The following PTPN13 variants were observed in gnomAD, a reference collection of about 807,000 sequenced individuals.
The protein encoded by PTPN13 is tyrosine-protein phosphatase non-receptor type 13.
A neutral mutation model predicts 284.0 loss-of-function variants in PTPN13; 191 were observed. The observed-to-expected ratio is 0.67, with a 90% CI of 0.60 to 0.76. PTPN13 has a LOEUF of 0.76. PTPN13 is among the 30% of genes least tolerant of loss of function. The pLI is 0.00. For synonymous variants in PTPN13, 986 were observed against 1,022.3 expected (o/e 0.96, Z 0.68); for missense variants, 2,797 against 2,939.9 (o/e 0.95, Z 1.12).
chr4:86,724,819 T>A (rs538113648), intron 10 of PTPN13, among the ~76,000 whole-genome samples: 2 of 150,668 alleles, frequency 1.3e-5, no homozygotes, highest in East Asian at 3.9e-4. Context: ...CTTTCATTCT[T>A]TTTTTTTTAT....
At chr4:86,802,085 A>T (rs562933823) in intron 42 of PTPN13, among the ~76,000 whole-genome samples, 1 of 151,688 alleles carries the variant, frequency 6.6e-6, no homozygotes, top group African/African-American at 2.4e-5. Flanking sequence ...GATGTGCTGC[A>T]ATTTTTTCAT....
intron 27 of PTPN13, 181 bp downstream of exon 27, chr4:86,766,698 A>G (rs1044689562): frequency 2.7e-5 from 12 of 437,200 alleles, no homozygotes; most frequent in Middle Eastern, 4.8e-4. Flanking sequence ...ATTACAAGAC[A>G]TTTTTTACTG....
At chr4:86,774,704 T>G (rs1740402071) in intron 33 of PTPN13, among the ~76,000 whole-genome samples, 173 bp downstream of exon 33, 1 of 115,284 alleles carries the variant, frequency 8.7e-6, no homozygotes, top group African/African-American at 3.5e-5. Context: ...AATTATTTTA[T>G]ATATATATAT....
intron 1 of PTPN13, among the ~76,000 whole-genome samples, chr4:86,623,814 A>T (rs1721525718): frequency 6.6e-6 from 1 of 152,100 alleles, no homozygotes; most frequent in African/African-American, 2.4e-5. Flanking sequence ...CTTGATTGTT[A>T]TATTTTAAAT....
chr4:86,745,645 G>A (rs148198230), intron 17 of PTPN13, among the ~76,000 whole-genome samples: 1,660 of 152,018 alleles, frequency 0.011, 11 homozygotes, highest in Middle Eastern at 0.017. Context: ...GCGTGTTGCC[G>A]GGCACCTGTA....
intron 2 of PTPN13, among the ~76,000 whole-genome samples, chr4:86,667,023 A>C (rs563473334): frequency 6.6e-6 from 1 of 152,348 alleles, no homozygotes; most frequent in East Asian, 1.9e-4. Context: ...CTGTTAGAAA[A>C]GAAAATGATT....
At chr4:86,790,983 G>A (rs1055509921) in intron 40 of PTPN13, among the ~76,000 whole-genome samples, 35 of 152,110 alleles carry the variant, frequency 2.3e-4, no homozygotes, top group Non-Finnish European at 4.1e-4. Flanking sequence ...TCATCTCAAT[G>A]GGACTCGTTG....
At chr4:86,679,554 C>A (rs1456276842) in intron 3 of PTPN13, among the ~76,000 whole-genome samples, 2 of 152,328 alleles carry the variant, frequency 1.3e-5, no homozygotes, top group Middle Eastern at 3.4e-3. Flanking sequence ...TCAGGCCCTT[C>A]AGGTGATTCT....
At chr4:86,651,486 A>C (rs955028792) in intron 2 of PTPN13, among the ~76,000 whole-genome samples, 1 of 150,868 alleles carries the variant, frequency 6.6e-6, no homozygotes, top group Non-Finnish European at 1.5e-5. Flanking sequence ...TATCAGGGTA[A>C]TACTGGCTTC....
intron 36 of PTPN13, among the ~76,000 whole-genome samples, chr4:86,781,960 GA>G (rs370324871): frequency 1.3e-3 from 143 of 113,842 alleles, no homozygotes; most frequent in Admixed American, 2.1e-3. Flanking sequence ...TGACTCTGTC[GA>G]AAAAAAAAAA....
intron 45 of PTPN13, among the ~76,000 whole-genome samples, chr4:86,808,669 T>G (rs1369477782): frequency 6.6e-6 from 1 of 152,238 alleles, no homozygotes; most frequent in Non-Finnish European, 1.5e-5. Context: ...GCTTACCTAT[T>G]ACTTAGGCTA....
In PTPN13 at chr4:86,618,634, G is replaced by T. The variant is rs2148654590; in HGVS notation, c.-5-16618G>T. Among the ~76,000 whole-genome samples the T allele has an allele frequency of 2.6e-5, 4 of 152,186 alleles. 1 individual carries two copies. The Middle Eastern group carries it at 0.01, about 388-fold the overall frequency. ...GTGGTTTGTAGTTCTCCTTGAAGAG[G>T]TCCTTCACATCCCTTGTAAGTTGGA... On this transcript the variant is annotated intron_variant, in intron 1 of 47. Transcript: ENST00000411767.
intron 2 of PTPN13, among the ~76,000 whole-genome samples, chr4:86,662,344 T>C (rs1726592187): frequency 6.6e-6 from 1 of 152,222 alleles, no homozygotes; most frequent in African/African-American, 2.4e-5. Context: ...TTCTTATTTA[T>C]TTATTTGAGA....
At chr4:86,699,359 C>G (rs778372423) in intron 6 of PTPN13, among the ~76,000 whole-genome samples, 2 of 151,760 alleles carry the variant, frequency 1.3e-5, no homozygotes, top group Non-Finnish European at 2.9e-5. Flanking sequence ...GCACTCGAGC[C>G]TGGGAGACGG....
chr4:86,752,271 T>C (rs528034463), intron 19 of PTPN13, among the ~76,000 whole-genome samples: 4 of 152,198 alleles, frequency 2.6e-5, no homozygotes, highest in Non-Finnish European at 5.9e-5. Flanking sequence ...AAGCTTTTTT[T>C]ATTCTATAAT....
At position 86,720,681 on chromosome 4, in the gene PTPN13, T is replaced by C. The variant is rs1160212401; in HGVS notation, c.1386-1531T>C. On this transcript the variant is annotated intron_variant, in intron 9 of 47. Transcript: ENST00000411767. The stretch of plus-strand genomic sequence containing the variant: ...TGGTACGTAATCAGGAGTCTTGTTT[T>C]CTTCTTTAGGTCACACATTTGTAAA... 2.0e-5 allele frequency among the ~76,000 whole-genome samples: 3 copies of C among 152,290 alleles called. No individual in the cohort carries two copies. In the East Asian group the frequency reaches 5.8e-4, roughly 29 times the overall value.
chr4:86,621,154 T>G (rs1721188236), intron 1 of PTPN13, among the ~76,000 whole-genome samples: 2 of 152,322 alleles, frequency 1.3e-5, no homozygotes, highest in East Asian at 3.9e-4. Context: ...CACGTGGGGA[T>G]CACACTGCAG....
At chr4:86,636,282 G>A (rs938523731) in intron 2 of PTPN13, among the ~76,000 whole-genome samples, 7 of 152,172 alleles carry the variant, frequency 4.6e-5, no homozygotes, top group Non-Finnish European at 1.0e-4. Context: ...GAGGTCACTT[G>A]GTCCAAATGG....
At chr4:86,662,488 C>T (rs781116980) in intron 2 of PTPN13, among the ~76,000 whole-genome samples, 8 of 152,094 alleles carry the variant, frequency 5.3e-5, no homozygotes, top group Non-Finnish European at 8.8e-5. Context: ...CGCACCACCA[C>T]GCCCAGCTAA....
Sources: gnomAD v4.1 joint callset for allele counts (sites outside exome capture counted in the v4.1 genomes callset) on GRCh38, gnomAD v4.1.1 for gene constraint, MANE v1.5 for transcripts, NCBI Gene and HGNC (gene_info 2026-07-23, HGNC 2026-07-21) for gene names.